The following CRYBG2 variants were observed in gnomAD, a reference collection of about 807,000 sequenced individuals.
CRYBG2 encodes the protein beta/gamma crystallin domain-containing protein 2.
Under a neutral mutation model 153.4 loss-of-function variants are expected in CRYBG2, and 106 were observed. The observed-to-expected ratio is 0.69, with a 90% confidence interval of 0.59 to 0.81. CRYBG2 has a LOEUF of 0.81. CRYBG2 is among the 30% of genes least tolerant of loss of function. The pLI, the probability that CRYBG2 is intolerant of heterozygous loss-of-function variation, is 0.00. For synonymous variants in CRYBG2, 851 were observed against 877.8 expected (o/e 0.97, Z 0.54); for missense variants, 1,996 against 2,112.0 (o/e 0.95, Z 1.08).
In CRYBG2 at chr1:26,354,118, T is replaced by A; in HGVS notation, c.-138A>T. ...CTGGGCCGTGCTCCCCTGATGCGATTGGGCTCTCAGCTGGGGTTCCTGAGG... is the reference window on the plus strand; with the variant it reads ...CTGGGCCGTGCTCCCCTGATGCGATAGGGCTCTCAGCTGGGGTTCCTGAGG... On this transcript the variant is annotated 5_prime_UTR_variant, in exon 1 of 20. Transcript: ENST00000308182. 1 of 399,560 alleles carries A rather than the reference T, an allele frequency of 2.5e-6. No individual in the cohort carries two copies. Among genetic ancestry groups the A allele is most frequent in the Non-Finnish European group, 4.4e-6 (1 of 226,504 alleles). The allele number at this position is 399,560 out of a possible 1,614,324, so 24.8% of individuals were successfully genotyped here. A position where few individuals can be genotyped will look rare whatever the true frequency, so the allele number is the denominator to read the frequency against.
intron 1 of CRYBG2, among the ~76,000 whole-genome samples, chr1:26,353,056 G>C (rs1328015709): frequency 4.6e-5 from 7 of 152,114 alleles, no homozygotes; most frequent in Non-Finnish European, 8.8e-5. Context: ...CAGGGCCAAA[G>C]AGGTTTCTTC....
intron 18 of CRYBG2, among the ~76,000 whole-genome samples, chr1:26,323,269 T>C (rs1242224521): frequency 6.6e-6 from 1 of 151,890 alleles, no homozygotes; most frequent in African/African-American, 2.4e-5. Flanking sequence ...TTTGTGGAGA[T>C]GGCATCTCAT....
rs113646840 is a variant in CRYBG2, at chr1:26,328,708, C to T, written c.4454+26G>A. 1,339 of 1,602,290 alleles carry T rather than the reference C, an allele frequency of 8.4e-4. 12 individuals are homozygous for T. In the African/African-American group the frequency reaches 0.014, roughly 17 times the overall value. The stretch of plus-strand genomic sequence containing the variant: ...GACTCATCCCCACCAGCAGCCACCG[C>T]ACCCATGCCTCCCCTCAGCACTCAC... On this transcript the variant is annotated intron_variant, in intron 16 of 19. Transcript: ENST00000308182.
chr1:26,339,731 C>T (rs1351694502), intron 5 of CRYBG2, among the ~76,000 whole-genome samples: 1 of 147,390 alleles, frequency 6.8e-6, no homozygotes, highest in East Asian at 2.0e-4. Flanking sequence ...AGTGAAACTC[C>T]GTCTCAAAAC....
rs2074163270 is a variant in CRYBG2 at position 26,343,790 on chromosome 1, T to A, written c.2868A>T (p.Ser956=). Residue 956 remains serine, a synonymous_variant, in exon 2 of 20, where the codon TCA becomes TCT. Coordinates refer to ENST00000308182, the MANE Select transcript of CRYBG2 (RefSeq NM_001039775.4). This position sits in a 1 kb window ranked among gnomAD's most constrained non-coding sequence, Gnocchi z 4.1. ...AACAGGCAAGCTTCTCCGTTGGGGATGATCTTTCACTGCAAAGCAGGGGCA... is the reference window on the plus strand; with the variant it reads ...AACAGGCAAGCTTCTCCGTTGGGGAAGATCTTTCACTGCAAAGCAGGGGCA... ...GQLPLLCSER[S]SPTEKLACSL... 1 of 1,450,432 alleles carries A rather than the reference T, an allele frequency of 6.9e-7. No individual in the cohort carries two copies. Among genetic ancestry groups the A allele is most frequent in the East Asian group, 2.5e-5 (1 of 39,972 alleles). The allele number at this position is 1,450,432 out of a possible 1,614,324, so 89.8% of individuals were successfully genotyped here.
rs761869572 is a variant in CRYBG2, at chr1:26,336,793, C to A, written c.3911+48G>T. The A allele has an allele frequency of 6.4e-6, 10 of 1,555,244 alleles. No homozygotes were observed. The highest frequency in any genetic ancestry group is 1.2e-5 in the South Asian group (1 of 84,668). On this transcript the variant is annotated intron_variant, in intron 11 of 19. Coordinates refer to ENST00000308182, the MANE Select transcript of CRYBG2 (RefSeq NM_001039775.4). The surrounding 1 kb of genome is among the most constrained non-coding windows in gnomAD (Gnocchi z 4.9). ...GAGCCTGCACCTCTCCTGGAACCGC[C>A]CCCGGCTCGCCCGGGCCCGCCCCGC...
At position 26,343,036 on chromosome 1, in the gene CRYBG2, TC is replaced by T. The variant is rs1395652436; in HGVS notation, c.3074+10del. Reference sequence around the variant, plus strand: ...CACAGCCAAGTGCCTTGCTGGGCACTCCCCACTCACCAGCCTCGAACTACCC... The same window carrying T: ...CACAGCCAAGTGCCTTGCTGGGCACTCCCACTCACCAGCCTCGAACTACCC... On this transcript the variant is annotated intron_variant, in intron 4 of 19. Transcript: ENST00000308182. This position sits in a 1 kb window ranked among gnomAD's most constrained non-coding sequence, Gnocchi z 4.1. 6.5e-7 allele frequency: 1 copy of T among 1,543,780 alleles called. No homozygotes were observed. The highest frequency in any genetic ancestry group is 1.2e-5 in the South Asian group (1 of 83,984).
Position 26,344,690 on chromosome 1 carries a change from G to A in CRYBG2, c.1968C>T (p.Ala656=), listed in dbSNP as rs1343669784. The A allele has an allele frequency of 1.3e-6, 2 of 1,533,154 alleles. No homozygotes were observed. The highest frequency in any genetic ancestry group is 1.7e-6 in the Non-Finnish European group (2 of 1,144,956). 95.0% of individuals were successfully genotyped at this position (1,533,154 alleles called of 1,614,324 possible). A position where few individuals can be genotyped will look rare whatever the true frequency, so the allele number is the denominator to read the frequency against. Residue 656 remains alanine (A), a synonymous_variant, in exon 2 of 20, where the codon GCC becomes GCT. Transcript: ENST00000308182. ...CAGTCTCTTCCTTGGTGAGGGGCGG[G>A]GCAAGGCTGCCTGCAATACCCTGGA... The part of the protein sequence containing the change: ...EAVQGIAGSL[A]PPLTKEETVQ...
intron 15 of CRYBG2, among the ~76,000 whole-genome samples, chr1:26,330,276 T>A (rs1203398610): frequency 6.6e-6 from 1 of 152,114 alleles, no homozygotes; most frequent in Admixed American, 6.5e-5. Context: ...GGAAACAGGC[T>A]GGAGAGGGTA....
chr1:26,336,591 G>C lies in CRYBG2; in HGVS notation c.4038+15C>G. 4 of 1,544,918 alleles carry C rather than the reference G, an allele frequency of 2.6e-6. No individual in the cohort carries two copies. The highest frequency in any genetic ancestry group is 3.5e-6 in the Non-Finnish European group (4 of 1,144,544). ...CGCCACCGGGGAGGCCCCGCCCCCC[G>C]CGGCCGGCACGCACCTGTAGGACCG... On this transcript the variant is annotated intron_variant, in intron 12 of 19. Transcript: ENST00000308182. This position sits in a 1 kb window ranked among gnomAD's most constrained non-coding sequence, Gnocchi z 4.9.
In CRYBG2 at chr1:26,345,024, C is replaced by A; in HGVS notation, c.1634G>T (p.Trp545Leu). ...ACCAGGGCCCTTCACAACCTCTTTC[C>A]AGGTGGGAAATGAGGCATCAGGAGC... ...PGAPDASFPT[W>L]KEVVKGPGAP... Residue 545 changes from tryptophan (W) to leucine (L), a missense_variant, in exon 2 of 20, where the codon TGG becomes TTG. By Grantham distance (61) the Trp-to-Leu change is moderately conservative. Coordinates refer to ENST00000308182, the MANE Select transcript of CRYBG2 (RefSeq NM_001039775.4). The A allele has an allele frequency of 1.3e-6, 1 of 757,512 alleles. No homozygotes were observed. The highest frequency in any genetic ancestry group is 3.6e-5 in the East Asian group (1 of 28,050). The allele number at this position is 757,512 out of a possible 1,614,324, so 46.9% of individuals were successfully genotyped here.
intron 5 of CRYBG2, among the ~76,000 whole-genome samples, chr1:26,341,060 C>A (rs776848404): frequency 2.6e-5 from 4 of 151,634 alleles, no homozygotes; most frequent in African/African-American, 7.3e-5. Context: ...AAAATCAGGC[C>A]GGGCGCAGTG....
intron 14 of CRYBG2, 113 bp from the exon 15 acceptor site, chr1:26,331,731 G>A: frequency 1.4e-6 from 2 of 1,432,938 alleles, no homozygotes; most frequent in South Asian, 2.5e-5. Context: ...CCCTGTCCCA[G>A]GGGAGGTGGG....
At position 26,347,514 on chromosome 1, in the gene CRYBG2, A is replaced by G. The variant is rs532058475; in HGVS notation, c.-55-802T>C. ...TATTTATTTATTTTTTTTGAGACAG[A>G]GTCTCGCTCTGTCACCTAGGCTGGA... On this transcript the variant is annotated intron_variant, in intron 1 of 19. Coordinates refer to ENST00000308182, the MANE Select transcript of CRYBG2 (RefSeq NM_001039775.4). Among the ~76,000 whole-genome samples the G allele has an allele frequency of 7.3e-5, 11 of 150,562 alleles. No homozygotes were observed. The East Asian group carries it at 1.9e-3, about 27-fold the overall frequency.
Position 26,343,179 on chromosome 1 carries a change from G to A in CRYBG2, c.2962-20C>T. 1.3e-6 allele frequency: 2 copies of A among 1,550,548 alleles called. No individual in the cohort carries two copies. Among genetic ancestry groups the A allele is most frequent in the South Asian group, 1.2e-5 (1 of 84,064 alleles). Reference sequence around the variant, plus strand: ...GATCACCTGAGAAGGCACAGAAGGGGTCCTCAGGCCCTGACCCCAGGCCCC... The same window carrying A: ...GATCACCTGAGAAGGCACAGAAGGGATCCTCAGGCCCTGACCCCAGGCCCC... On this transcript the variant is annotated intron_variant, in intron 3 of 19. Coordinates refer to ENST00000308182, the MANE Select transcript of CRYBG2 (RefSeq NM_001039775.4). The surrounding 1 kb of genome is among the most constrained non-coding windows in gnomAD (Gnocchi z 4.1).
At position 26,336,854 on chromosome 1, in the gene CRYBG2, C is replaced by G; in HGVS notation, c.3898G>C (p.Val1300Leu). The G allele has an allele frequency of 6.2e-7, 1 of 1,600,236 alleles. No individual in the cohort carries two copies. Among genetic ancestry groups the G allele is most frequent in the Non-Finnish European group, 8.5e-7 (1 of 1,174,278 alleles). Residue 1300 changes from valine to leucine, a missense_variant, in exon 11 of 20, where the codon GTG becomes CTG. Physicochemically the swap from Val to Leu is conservative, Grantham distance 32. Coordinates refer to ENST00000308182, the MANE Select transcript of CRYBG2 (RefSeq NM_001039775.4). This position sits in a 1 kb window ranked among gnomAD's most constrained non-coding sequence, Gnocchi z 4.9. ...QHGPSTQAIH[V>L]LSGVWVAYQE... ...CGGGTCACTTACACGCCGCTGAGCA[C>G]GTGGATGGCCTGTGTGCTGGGGCCG...
intron 18 of CRYBG2, among the ~76,000 whole-genome samples, chr1:26,323,679 C>T (rs1043098046): frequency 3.3e-5 from 5 of 151,918 alleles, no homozygotes; most frequent in Middle Eastern, 3.4e-3. Context: ...AGTGCAGTGG[C>T]GCAATCCTCA....
At chr1:26,335,184 A>T (rs183463058) in intron 14 of CRYBG2, among the ~76,000 whole-genome samples, 6 of 151,892 alleles carry the variant, frequency 4.0e-5, no homozygotes, top group South Asian at 4.2e-4. Context: ...AGTTATCAAA[A>T]CTACTGGGGT....
At chr1:26,352,478 C>T (rs775035496) in intron 1 of CRYBG2, among the ~76,000 whole-genome samples, 1 of 152,150 alleles carries the variant, frequency 6.6e-6, no homozygotes, top group African/African-American at 2.4e-5. Context: ...TACCCCTGAA[C>T]GTGGACACAC....
Sources: gnomAD v4.1 joint callset for allele counts (sites outside exome capture counted in the v4.1 genomes callset) on GRCh38, gnomAD v4.1.1 for gene constraint, Gnocchi (gnomAD v3.1) non-coding constraint, MANE v1.5 for transcripts, NCBI Gene and HGNC (gene_info 2026-07-23, HGNC 2026-07-21) for gene names.